The following ADAMTS19 variants were observed in gnomAD, a reference collection of about 807,000 sequenced individuals.
ADAMTS19 encodes the protein ADAM metallopeptidase with thrombospondin type 1 motif 19, also known as A disintegrin and metalloproteinase with thrombospondin motifs 19.
In ADAMTS19, 93 loss-of-function variants were observed where a neutral mutation model predicts 153.3. The observed-to-expected ratio is 0.61, with a 90% CI of 0.51 to 0.72. ADAMTS19 has a LOEUF of 0.72. ADAMTS19 is among the 30% of genes least tolerant of loss of function. The pLI, the probability that ADAMTS19 is intolerant of heterozygous loss-of-function variation, is 0.00. For missense variants in ADAMTS19, 1,482 were observed against 1,552.1 expected, an observed-to-expected ratio of 0.95 and a Z score of 0.76; for synonymous variants, 600 against 556.6, an observed-to-expected ratio of 1.08 and a Z score of -1.10.
intron 20 of ADAMTS19, 143 bp downstream of exon 20, chr5:129,701,735 C>A: frequency 2.2e-6 from 2 of 905,900 alleles, no homozygotes; most frequent in Non-Finnish European, 3.2e-6. Context: ...TAAAGGAATA[C>A]ATTCAAATAA....
chr5:129,471,380 AAGAC>A (rs1344292068), intron 2 of ADAMTS19, among the ~76,000 whole-genome samples: 1 of 151,166 alleles, frequency 6.6e-6, no homozygotes, highest in Admixed American at 6.6e-5. Context: ...GAATGAAAGA[AAGAC>A]AGAGAAAGAG....
At chr5:129,551,325 A>G (rs1216386232) in intron 6 of ADAMTS19, among the ~76,000 whole-genome samples, 2 of 151,730 alleles carry the variant, frequency 1.3e-5, no homozygotes, top group Non-Finnish European at 3.0e-5. Context: ...AAGAGTAAAA[A>G]TTATAAAATA....
rs1239763576 is a variant in ADAMTS19, at chr5:129,737,923, T to C, written c.*705T>C. 6.6e-6 allele frequency: 1 copy of C among 152,538 alleles called. No individual in the cohort carries two copies. Among genetic ancestry groups the C allele is most frequent in the Non-Finnish European group, 1.5e-5 (1 of 67,984 alleles). The allele number at this position is 152,538 out of a possible 1,614,324, so 9.4% of individuals were successfully genotyped here. ...CTGAATCACAATTGCACTGTTGATA[T>C]AGTGTAGAGAAATCGTTAGAAATGG... On this transcript the variant is annotated 3_prime_UTR_variant, in exon 23 of 23. Coordinates refer to ENST00000274487, the MANE Select transcript of ADAMTS19 (RefSeq NM_133638.6).
chr5:129,665,656 G>A lies in ADAMTS19; in HGVS notation c.2506+77G>A, dbSNP rs148174386. On this transcript the variant is annotated intron_variant, in intron 16 of 22. Coordinates refer to ENST00000274487, the MANE Select transcript of ADAMTS19 (RefSeq NM_133638.6). ...GCCCTGAGAGTTCTATGATGAGGAGGAAGTCAATCTGTTTCTAGTTTTATG... is the reference window on the plus strand; with the variant it reads ...GCCCTGAGAGTTCTATGATGAGGAGAAAGTCAATCTGTTTCTAGTTTTATG... The A allele has an allele frequency of 6.6e-4, 736 of 1,113,822 alleles. 9 individuals are homozygous for A. The highest frequency in any genetic ancestry group is 6.2e-3 in the South Asian group (412 of 66,140). The allele number at this position is 1,113,822 out of a possible 1,614,324, so 69.0% of individuals were successfully genotyped here.
At chr5:129,558,309 T>G (rs983694534) in intron 7 of ADAMTS19, among the ~76,000 whole-genome samples, 1 of 151,940 alleles carries the variant, frequency 6.6e-6, no homozygotes, top group African/African-American at 2.4e-5. Context: ...TTATGAGAAA[T>G]AGTAGGAGAG....
intron 8 of ADAMTS19, among the ~76,000 whole-genome samples, chr5:129,614,923 A>T (rs1252848396): frequency 5.3e-5 from 8 of 152,178 alleles, no homozygotes; most frequent in Admixed American, 3.9e-4. Context: ...TCATGAGTGA[A>T]CTCCCATTCA....
In ADAMTS19 at chr5:129,461,853, G is replaced by C. The variant is rs1393940909; in HGVS notation, c.747+96G>C. Reference sequence around the variant, plus strand: ...TTTGCATGCACCTTCTCCCCTTTCAGTGTGCTCCTTTTGAGCTTGGCCCTA... The same window carrying C: ...TTTGCATGCACCTTCTCCCCTTTCACTGTGCTCCTTTTGAGCTTGGCCCTA... On this transcript the variant is annotated intron_variant, in intron 2 of 22. Transcript: ENST00000274487. The surrounding 1 kb of genome is among the most constrained non-coding windows in gnomAD (Gnocchi z 4.6). 3 of 1,430,968 alleles carry C rather than the reference G, an allele frequency of 2.1e-6. No individual in the cohort carries two copies. Among genetic ancestry groups the C allele is most frequent in the Non-Finnish European group, 2.7e-6 (3 of 1,099,606 alleles). 88.6% of individuals were successfully genotyped at this position (1,430,968 alleles called of 1,614,324 possible).
intron 19 of ADAMTS19, among the ~76,000 whole-genome samples, chr5:129,700,028 G>A (rs1158192039): frequency 2.6e-5 from 4 of 152,154 alleles, no homozygotes; most frequent in Admixed American, 2.6e-4. Flanking sequence ...TCTATATTGT[G>A]CTGAAATAGT....
chr5:129,569,841 T>C (rs1324622619), intron 7 of ADAMTS19, among the ~76,000 whole-genome samples: 2 of 151,854 alleles, frequency 1.3e-5, no homozygotes, highest in Non-Finnish European at 2.9e-5. Context: ...ATGTATAGGG[T>C]TAAATGTTCT....
At chr5:129,519,809 G>C (rs1397077519) in intron 3 of ADAMTS19, among the ~76,000 whole-genome samples, 2 of 152,066 alleles carry the variant, frequency 1.3e-5, no homozygotes, top group Non-Finnish European at 2.9e-5. Flanking sequence ...TGCCTTCTCT[G>C]TGTCTTCTTG....
intron 7 of ADAMTS19, among the ~76,000 whole-genome samples, chr5:129,563,213 T>A (rs1489555320): frequency 7.2e-6 from 1 of 139,556 alleles, no homozygotes; most frequent in Middle Eastern, 3.6e-3. Flanking sequence ...CAATTTGGCA[T>A]TTTTTTTTTT....
chr5:129,663,742 C>T (rs1753919470), intron 15 of ADAMTS19, among the ~76,000 whole-genome samples: 1 of 152,156 alleles, frequency 6.6e-6, no homozygotes, highest in South Asian at 2.1e-4. Flanking sequence ...CTCTTAAAGC[C>T]AGAATCCAAT....
intron 8 of ADAMTS19, among the ~76,000 whole-genome samples, chr5:129,617,170 C>T (rs1184284120): frequency 6.6e-6 from 1 of 151,940 alleles, no homozygotes; most frequent in African/African-American, 2.4e-5. Flanking sequence ...GCATTGTTTC[C>T]TGATAATTCC....
chr5:129,636,940 T>C (rs1221334369), intron 10 of ADAMTS19, among the ~76,000 whole-genome samples: 2 of 152,192 alleles, frequency 1.3e-5, no homozygotes, highest in Non-Finnish European at 2.9e-5. Flanking sequence ...AGGTAAACAC[T>C]CAGTGTTTGT....
chr5:129,664,953 G>T (rs1753975522), intron 15 of ADAMTS19, among the ~76,000 whole-genome samples: 1 of 152,058 alleles, frequency 6.6e-6, no homozygotes, highest in African/African-American at 2.4e-5. Context: ...ACCCTAGATT[G>T]CTTGGCGCGA....
intron 15 of ADAMTS19, among the ~76,000 whole-genome samples, chr5:129,664,708 G>A (rs1237220436): frequency 2.6e-5 from 4 of 151,988 alleles, no homozygotes; most frequent in East Asian, 1.9e-4. Flanking sequence ...GAACTACTAA[G>A]AACAATATTT....
At chr5:129,590,368 G>A (rs1207746316) in intron 7 of ADAMTS19, among the ~76,000 whole-genome samples, 2 of 152,030 alleles carry the variant, frequency 1.3e-5, no homozygotes, top group East Asian at 3.8e-4. Flanking sequence ...ATTTCTACGT[G>A]TTTTTAGCGA....
At chr5:129,655,923 T>G (rs1753529227) in intron 14 of ADAMTS19, among the ~76,000 whole-genome samples, 1 of 152,194 alleles carries the variant, frequency 6.6e-6, no homozygotes, top group Non-Finnish European at 1.5e-5. Context: ...CAAAATGTAG[T>G]TTTTCATTAA....
intron 10 of ADAMTS19, among the ~76,000 whole-genome samples, chr5:129,632,778 G>A (rs948681267): frequency 3.3e-5 from 5 of 151,980 alleles, no homozygotes; most frequent in Non-Finnish European, 5.9e-5. Flanking sequence ...TCATTTCCCT[G>A]TAAGTAATCT....
Sources: gnomAD v4.1 joint callset for allele counts (sites outside exome capture counted in the v4.1 genomes callset) on GRCh38, gnomAD v4.1.1 for gene constraint, Gnocchi (gnomAD v3.1) non-coding constraint, MANE v1.5 for transcripts, NCBI Gene and HGNC (gene_info 2026-07-23, HGNC 2026-07-21) for gene names.